The following FCHO2 variants were observed in gnomAD, a reference collection of about 807,000 sequenced individuals.
FCHO2 encodes FCH and mu domain containing endocytic adaptor 2.
FCHO2 carries 43 observed loss-of-function variants against 114.1 expected under a neutral mutation model. The ratio of observed to expected loss-of-function variants is 0.38; its 90% CI spans 0.30 to 0.49. FCHO2 has a LOEUF of 0.49. Among genes scored for constraint, FCHO2 ranks in the 20% least tolerant of loss-of-function variants. FCHO2 has a pLI of 0.97. For synonymous variants in FCHO2, 293 were observed against 315.2 expected, an observed-to-expected ratio of 0.93 and a Z score of 0.75; for missense variants, 807 against 950.4, an observed-to-expected ratio of 0.85 and a Z score of 1.98.
Position 73,026,927 on chromosome 5 carries a change from A to G in FCHO2, c.797-7730A>G, listed in dbSNP as rs548663245. On this transcript the variant is annotated intron_variant, in intron 8 of 25. Transcript: ENST00000430046. ...GGCTGGTCTCGAACTCTTGGCCTGA[A>G]GCAGTCCACCTGCCTCAGCCTCCCA... is the stretch of plus-strand genomic sequence containing the variant. 2.0e-5 allele frequency among the ~76,000 whole-genome samples: 3 copies of G among 151,416 alleles called. No individual in the cohort carries two copies. In the South Asian group the frequency reaches 6.3e-4, roughly 32 times the overall value.
intron 24 of FCHO2, among the ~76,000 whole-genome samples, chr5:73,083,188 G>A (rs1278227587): frequency 6.6e-6 from 1 of 151,942 alleles, no homozygotes; most frequent in Non-Finnish European, 1.5e-5. Flanking sequence ...CTGGCCATGG[G>A]TGCACCGTTC....
intron 6 of FCHO2, among the ~76,000 whole-genome samples, chr5:73,008,072 A>T (rs1450422551): frequency 1.3e-5 from 2 of 152,206 alleles, no homozygotes; most frequent in Non-Finnish European, 2.9e-5. Flanking sequence ...GTGAGAAATG[A>T]AGTTGAATTG....
Position 72,996,954 on chromosome 5 carries a change from C to T in FCHO2, c.495+6090C>T, listed in dbSNP as rs1387887261. The T allele has an allele frequency of 2.8e-5, 45 of 1,606,544 alleles. No homozygotes were observed. In the East Asian group the frequency reaches 6.5e-4, roughly 23 times the overall value. On this transcript the variant is annotated intron_variant, in intron 5 of 25. Coordinates refer to ENST00000430046, the MANE Select transcript of FCHO2 (RefSeq NM_138782.3). ...ACGCAGTGTCTGCTGGGGCTGCGCA[C>T]GTTCGTGGCCTTCGCCGCCAAGCTC... is the stretch of plus-strand genomic sequence containing the variant.
In FCHO2 at chr5:73,088,135, A is replaced by G; in HGVS notation, c.*45A>G. ...TGGCTTCAGGGATTACAAACCTGCCATTCTGCATTATCTGTTCTTTCCAAA... is the reference window on the plus strand; with the variant it reads ...TGGCTTCAGGGATTACAAACCTGCCGTTCTGCATTATCTGTTCTTTCCAAA... On this transcript the variant is annotated 3_prime_UTR_variant, in exon 26 of 26. Coordinates refer to ENST00000430046, the MANE Select transcript of FCHO2 (RefSeq NM_138782.3). 6.2e-7 allele frequency: 1 copy of G among 1,608,722 alleles called. No individual in the cohort carries two copies. The highest frequency in any genetic ancestry group is 8.5e-7 in the Non-Finnish European group (1 of 1,177,072).
At chr5:73,001,317 A>G (rs1188577552) in intron 5 of FCHO2, among the ~76,000 whole-genome samples, 1 of 152,048 alleles carries the variant, frequency 6.6e-6, no homozygotes, top group African/African-American at 2.4e-5. Context: ...CTGGTGGCAC[A>G]TACCTGTAGT....
At chr5:73,014,176 C>CA (rs1416757809) in intron 6 of FCHO2, among the ~76,000 whole-genome samples, 1 of 152,162 alleles carries the variant, frequency 6.6e-6, no homozygotes, top group African/African-American at 2.4e-5. Context: ...AACACATCCT[C>CA]ACTTTTGGTT....
At chr5:73,023,741 A>T (rs935864837) in intron 8 of FCHO2, among the ~76,000 whole-genome samples, 7 of 152,104 alleles carry the variant, frequency 4.6e-5, no homozygotes, top group African/African-American at 1.7e-4. Flanking sequence ...ACATTTATTT[A>T]ACACACAGAA....
At chr5:72,967,912 G>T (rs367975278) in intron 1 of FCHO2, among the ~76,000 whole-genome samples, 1 of 146,222 alleles carries the variant, frequency 6.8e-6, no homozygotes, top group East Asian at 2.1e-4. Context: ...GAGCCACCAC[G>T]CCTGGCCTCA....
intron 8 of FCHO2, chr5:73,021,171 A>C: frequency 1.3e-6 from 1 of 774,154 alleles, no homozygotes; most frequent in Non-Finnish European, 2.4e-6. Context: ...TCCTTTGTCC[A>C]GGCTGGTGAA....
intron 2 of FCHO2, among the ~76,000 whole-genome samples, chr5:72,978,395 T>A (rs1752999546): frequency 6.6e-6 from 1 of 152,232 alleles, no homozygotes; most frequent in Non-Finnish European, 1.5e-5. Flanking sequence ...TCACTCATGA[T>A]TTAGCTCTCT....
chr5:72,965,730 G>T (rs1347170441), intron 1 of FCHO2, among the ~76,000 whole-genome samples: 1 of 152,200 alleles, frequency 6.6e-6, no homozygotes, highest in Non-Finnish European at 1.5e-5. Context: ...GTTTTTTGGT[G>T]TGTTTCAGAG....
chr5:73,067,127 C>T (rs1195871030), intron 18 of FCHO2, among the ~76,000 whole-genome samples: 1 of 151,974 alleles, frequency 6.6e-6, no homozygotes, highest in African/African-American at 2.4e-5. Context: ...TTGGACTAGT[C>T]ACATTTCACG....
intron 8 of FCHO2, among the ~76,000 whole-genome samples, chr5:73,019,796 T>C (rs533714622): frequency 1.3e-5 from 2 of 152,292 alleles, no homozygotes; most frequent in South Asian, 2.1e-4. Context: ...GTCATTCTGG[T>C]GGTAACGGTG....
intron 10 of FCHO2, among the ~76,000 whole-genome samples, chr5:73,038,432 A>G (rs1756639856): frequency 6.6e-6 from 1 of 152,234 alleles, no homozygotes; most frequent in African/African-American, 2.4e-5. Context: ...TTGAAGAGAC[A>G]CCGATCAAAA....
At chr5:73,072,084 A>G (rs1742684279) in intron 19 of FCHO2, among the ~76,000 whole-genome samples, 2 of 151,782 alleles carry the variant, frequency 1.3e-5, no homozygotes, top group African/African-American at 4.8e-5. Flanking sequence ...ACTGAAATTC[A>G]GGGATATGAT....
chr5:72,974,274 CGTT>C (rs1752737474), intron 2 of FCHO2, among the ~76,000 whole-genome samples: 1 of 133,198 alleles, frequency 7.5e-6, no homozygotes, highest in Admixed American at 7.2e-5. Flanking sequence ...CTTTCTGTCT[CGTT>C]GATCTTTCTA....
rs532359718 is a variant in FCHO2 at position 72,999,061 on chromosome 5, A to G, written c.496-7384A>G. Among the ~76,000 whole-genome samples, 25 of 152,066 alleles carry G rather than the reference A, an allele frequency of 1.6e-4. 1 individual carries two copies. The East Asian group carries it at 4.7e-3, about 28-fold the overall frequency. On this transcript the variant is annotated intron_variant, in intron 5 of 25. Transcript: ENST00000430046. ...CATGTAGTTGTGTCCAAGGGTTGTGAGTTGGCTAAAATTCACCCTGTGCTT... is the reference window on the plus strand; with the variant it reads ...CATGTAGTTGTGTCCAAGGGTTGTGGGTTGGCTAAAATTCACCCTGTGCTT...
chr5:73,020,882 G>C, intron 8 of FCHO2: 2 of 1,100,568 alleles, frequency 1.8e-6, no homozygotes, highest in South Asian at 1.2e-5. Context: ...ACCTGTATCA[G>C]CTCACCACGG....
chr5:73,074,758 C>T lies in FCHO2; in HGVS notation c.1596C>T (p.Pro532=). Residue 532 remains proline (P), a synonymous_variant, in exon 20 of 26, where the codon CCC becomes CCT. Coordinates refer to ENST00000430046, the MANE Select transcript of FCHO2 (RefSeq NM_138782.3). ...NTPTVGVSRG[P]SPVSLGNQDT... ...ATATTCTAGGTGTGTCACGGGGTCC[C>T]AGCCCTGTCAGCCTTGGAAATCAGG... 1 of 1,612,584 alleles carries T rather than the reference C, an allele frequency of 6.2e-7. No homozygotes were observed. Among genetic ancestry groups the T allele is most frequent in the African/African-American group, 1.3e-5 (1 of 74,954 alleles).
Sources: allele counts gnomAD v4.1 joint callset (sites outside exome capture counted in the v4.1 genomes callset), GRCh38; gene constraint gnomAD v4.1.1; transcripts MANE v1.5; gene names NCBI Gene and HGNC (gene_info 2026-07-23, HGNC 2026-07-21).